The following TVP23C variants were observed in gnomAD, a reference collection of about 807,000 sequenced individuals.
TVP23C encodes the protein trans-golgi network vesicle protein 23 homolog C.
Under a neutral mutation model 28.7 loss-of-function variants are expected in TVP23C, and 19 were observed. The observed-to-expected ratio is 0.66, with a 90% CI of 0.46 to 0.97. The LOEUF is 0.97. TVP23C is among the 50% of genes least tolerant of loss of function. The pLI is 0.00. For missense variants in TVP23C, 186 were observed against 241.3 expected (o/e 0.77, Z 1.52); for synonymous variants, 68 against 81.7 (o/e 0.83, Z 0.90).
chr17:15,510,173 C>T (rs1448671237), intron 5 of TVP23C, among the ~76,000 whole-genome samples: 3 of 152,104 alleles, frequency 2.0e-5, no homozygotes, highest in African/African-American at 7.2e-5. Context: ...TTTCTGTTTG[C>T]TTTTTTCGGG....
chr17:15,525,420 A>G (rs1410234824), intron 5 of TVP23C, among the ~76,000 whole-genome samples: 2 of 152,238 alleles, frequency 1.3e-5, no homozygotes, highest in African/African-American at 2.4e-5. Context: ...AGATGTGGCT[A>G]ACATCTACAA....
rs768749647 is a variant in TVP23C, at chr17:15,503,040, G to C, written c.655C>G (p.Pro219Ala). The stretch of plus-strand genomic sequence containing the variant: ...CGAAGAGGTGGAGAACTAAGGCGGG[G>C]CGCAGGTTTCCAGTAAAGAGCTCGA... Residue 219 changes from proline (P) to alanine (A), a missense_variant, in exon 6 of 6, where the codon CCC becomes GCC. By Grantham distance (27) the Pro-to-Ala change is conservative. Coordinates refer to the TVP23C transcript ENST00000225576. The C allele has an allele frequency of 7.4e-6, 12 of 1,613,922 alleles. No homozygotes were observed. In the East Asian group the frequency reaches 2.5e-4, roughly 33 times the overall value.
chr17:15,542,601 C>T (rs533292997), intron 5 of TVP23C, among the ~76,000 whole-genome samples: 7 of 152,222 alleles, frequency 4.6e-5, no homozygotes, highest in South Asian at 2.1e-4. Flanking sequence ...CTCAGCCTCC[C>T]GAGTAACTGG....
At chr17:15,529,304 T>C (rs1297274052) in intron 5 of TVP23C, among the ~76,000 whole-genome samples, 2 of 151,888 alleles carry the variant, frequency 1.3e-5, no homozygotes, top group Non-Finnish European at 2.9e-5. Flanking sequence ...ATACAAAAAT[T>C]AGCCTGGCAT....
intron 1 of TVP23C, among the ~76,000 whole-genome samples, chr17:15,556,805 C>T (rs1236684061): frequency 6.6e-6 from 1 of 152,072 alleles, no homozygotes; most frequent in African/African-American, 2.4e-5. Flanking sequence ...TTACATTACC[C>T]AGAGCAATCC....
chr17:15,523,073 G>A (rs142148854), intron 5 of TVP23C, among the ~76,000 whole-genome samples: 3,246 of 151,706 alleles, frequency 0.021, 121 homozygotes, highest in African/African-American at 0.072. Context: ...GCAGTGGTGC[G>A]ATCTCGGCTC....
chr17:15,514,223 A>G (rs1369973742), intron 5 of TVP23C, among the ~76,000 whole-genome samples: 1 of 152,122 alleles, frequency 6.6e-6, no homozygotes, highest in Non-Finnish European at 1.5e-5. Flanking sequence ...GTCCTGCCTC[A>G]GCTGGGACAT....
At chr17:15,547,338 TA>T (rs1037025068) in intron 3 of TVP23C, among the ~76,000 whole-genome samples, 190 bp from the exon 4 acceptor site, 1 of 152,166 alleles carries the variant, frequency 6.6e-6, no homozygotes, top group African/African-American at 2.4e-5. Context: ...GCAGGACTAA[TA>T]GGGGTAGAGG....
At chr17:15,529,555 G>A (rs1276940722) in intron 5 of TVP23C, among the ~76,000 whole-genome samples, 13 of 152,106 alleles carry the variant, frequency 8.5e-5, no homozygotes, top group Non-Finnish European at 1.9e-4. Context: ...TTGTTTTTAA[G>A]TGTTATGTTT....
chr17:15,521,828 T>A (rs1248785676), intron 5 of TVP23C, among the ~76,000 whole-genome samples: 2 of 152,170 alleles, frequency 1.3e-5, no homozygotes, highest in Non-Finnish European at 2.9e-5. Context: ...GGTCTATAAG[T>A]CACACAGAGG....
chr17:15,526,815 G>A (rs528153244), intron 5 of TVP23C, among the ~76,000 whole-genome samples: 13 of 152,264 alleles, frequency 8.5e-5, no homozygotes, highest in African/African-American at 3.1e-4. Flanking sequence ...AGACTCATTC[G>A]TAGCTGTGTT....
chr17:15,502,725 T>A, exon 6 of TVP23C: 2 of 1,081,022 alleles, frequency 1.9e-6, no homozygotes, highest in Non-Finnish European at 1.2e-6. Context: ...CTCTCCTCTC[T>A]CTCTCTTTCT....
chr17:15,545,160 C>G (rs1983587449), intron 5 of TVP23C, among the ~76,000 whole-genome samples: 1 of 152,110 alleles, frequency 6.6e-6, no homozygotes, highest in African/African-American at 2.4e-5. Flanking sequence ...TGTGAGTGGG[C>G]AGCAGAAGCA....
rs910875917 is a variant in TVP23C at position 15,543,723 on chromosome 17, C to G, written c.462+2062G>C. 6.6e-5 allele frequency among the ~76,000 whole-genome samples: 10 copies of G among 151,344 alleles called. 1 individual carries two copies. Among genetic ancestry groups the G allele is most frequent in the Non-Finnish European group, 1.5e-4 (10 of 67,556 alleles). On this transcript the variant is annotated intron_variant, in intron 5 of 5. Transcript: ENST00000518321. ...TCTACCTTCCACTAGAACATAAGCT[C>G]TACTGGAGCAGTCAACTTGTTTACT...
Position 15,538,995 on chromosome 17 carries a change from A to T in TVP23C, c.*1417T>A, listed in dbSNP as rs1051236180. 1.0e-6 allele frequency: 1 copy of T among 985,734 alleles called. No homozygotes were observed. The highest frequency in any genetic ancestry group is 1.2e-6 in the Non-Finnish European group (1 of 829,832). 61.1% of individuals were successfully genotyped at this position (985,734 alleles called of 1,614,324 possible). On this transcript the variant is annotated 3_prime_UTR_variant, in exon 6 of 6. Transcript: ENST00000518321. ...AAAGAACAATAAATTTTGAGTACAGAGGGCTGGGTTTAAGATCTAGCTTTG... is the reference window on the plus strand; with the variant it reads ...AAAGAACAATAAATTTTGAGTACAGTGGGCTGGGTTTAAGATCTAGCTTTG...
exon 6 of TVP23C, chr17:15,502,570 G>T: frequency 2.9e-6 from 1 of 340,578 alleles, no homozygotes; most frequent in Non-Finnish European, 5.2e-6. Flanking sequence ...TCCTTCCTCG[G>T]GGCCGCATGG....
intron 1 of TVP23C, among the ~76,000 whole-genome samples, chr17:15,561,766 T>A (rs538924233): frequency 1.3e-5 from 2 of 152,196 alleles, no homozygotes; most frequent in Non-Finnish European, 2.9e-5. Flanking sequence ...CCATCTTCAA[T>A]AGGAGCTGGG....
At chr17:15,523,620 T>C (rs1187937299) in intron 5 of TVP23C, among the ~76,000 whole-genome samples, 1 of 151,534 alleles carries the variant, frequency 6.6e-6, no homozygotes, top group African/African-American at 2.4e-5. Flanking sequence ...AAGATTTTTT[T>C]TTTTTCTTTT....
chr17:15,561,426 C>G (rs1000028694), intron 1 of TVP23C, among the ~76,000 whole-genome samples: 4 of 152,064 alleles, frequency 2.6e-5, no homozygotes, highest in African/African-American at 9.7e-5. Flanking sequence ...TGGTGAAACC[C>G]CATCTCTACT....
Sources: allele counts gnomAD v4.1 joint callset (sites outside exome capture counted in the v4.1 genomes callset), GRCh38; gene constraint gnomAD v4.1.1; transcripts MANE v1.5; gene names NCBI Gene and HGNC (gene_info 2026-07-23, HGNC 2026-07-21).